The following SCARB2 variants were observed in gnomAD, a reference collection of about 807,000 sequenced individuals.
SCARB2 encodes the protein scavenger receptor class B member 2, also known as lysosome membrane protein 2.
SCARB2 carries 29 observed loss-of-function variants against 58.6 expected under a neutral mutation model. The ratio of observed to expected loss-of-function variants is 0.49; its 90% CI spans 0.37 to 0.67. SCARB2 has a LOEUF of 0.67. Ranked by LOEUF, SCARB2 falls within the 30% of genes least tolerant of loss-of-function variation. SCARB2 has a pLI of 0.00. For synonymous variants in SCARB2, 195 were observed against 210.1 expected, an observed-to-expected ratio of 0.93 and a Z score of 0.62; for missense variants, 488 against 578.5, an observed-to-expected ratio of 0.84 and a Z score of 1.60.
chr4:76,204,463 T>C (rs760529446), intron 1 of SCARB2, among the ~76,000 whole-genome samples: 2 of 152,144 alleles, frequency 1.3e-5, no homozygotes, highest in Non-Finnish European at 2.9e-5. Flanking sequence ...TACAGGACAA[T>C]ATGGTGGAAT....
intron 4 of SCARB2, chr4:76,176,787 A>G (rs910000871): frequency 2.8e-5 from 10 of 361,814 alleles, no homozygotes; most frequent in South Asian, 1.8e-4. Flanking sequence ...TCTCCTCAAG[A>G]CTGCAACATC....
Position 76,174,226 on chromosome 4 carries a change from A to G in SCARB2, c.912T>C (p.Asn304=). The change falls in exon 7 of 12, where the codon AAT becomes AAC. Residue 304 remains asparagine, a synonymous_variant. Transcript: ENST00000264896. ...TACAGAAGCCGGCATTGTCTGACGT[A>G]TTGGCTAATATTTCTGCAGGAACTT... is the stretch of plus-strand genomic sequence containing the variant. ...RYKVPAEILA[N]TSDNAGFCIP... 6.2e-7 allele frequency: 1 copy of G among 1,614,184 alleles called. No individual in the cohort carries two copies. Among genetic ancestry groups the G allele is most frequent in the Non-Finnish European group, 8.5e-7 (1 of 1,180,036 alleles).
At chr4:76,214,134 C>A, upstream of SCARB2, 1 of 437,266 alleles carries the variant, frequency 2.3e-6, no homozygotes, top group South Asian at 1.6e-5. Context: ...GGTCTGAGGG[C>A]CTCCCATGGG....
intron 2 of SCARB2, chr4:76,184,918 C>T (rs1732456506): frequency 5.8e-6 from 1 of 172,180 alleles, no homozygotes; most frequent in African/African-American, 2.4e-5. Context: ...CTGCATCCTG[C>T]TTTTGTCTTC....
At chr4:76,199,708 C>T (rs934571602) in intron 1 of SCARB2, among the ~76,000 whole-genome samples, 1 of 152,174 alleles carries the variant, frequency 6.6e-6, no homozygotes, top group Non-Finnish European at 1.5e-5. Context: ...AGGGTTTCCT[C>T]GAGTGTTACC....
rs61658055 is a variant in SCARB2, at chr4:76,164,013, A to G, written c.1240-630T>C. ...CTTGGTTACATCTATAGTAATCAGG[A>G]CCACAGCCCTCTACAGAAAGTGCTC... On this transcript the variant is annotated intron_variant, in intron 10 of 11. Transcript: ENST00000264896. 484 of 156,004 alleles carry G rather than the reference A, an allele frequency of 3.1e-3. 4 individuals carry two copies. Among genetic ancestry groups the G allele is most frequent in the African/African-American group, 0.011 (458 of 41,594 alleles). 9.7% of individuals were successfully genotyped at this position (156,004 alleles called of 1,614,324 possible).
At chr4:76,186,872 C>T (rs1428046801) in intron 2 of SCARB2, among the ~76,000 whole-genome samples, 4 of 151,746 alleles carry the variant, frequency 2.6e-5, no homozygotes, top group African/African-American at 4.8e-5. Flanking sequence ...AAAACAAATA[C>T]AGTTTTAGCT....
intron 6 of SCARB2, chr4:76,174,720 C>T (rs1489175713): frequency 4.0e-6 from 1 of 248,222 alleles, no homozygotes; most frequent in South Asian, 4.9e-5. Flanking sequence ...GCAGCGATGG[C>T]CGTGGCCTCG....
At chr4:76,194,660 G>A (rs528894982) in intron 2 of SCARB2, 22 of 152,248 alleles carry the variant, frequency 1.4e-4, no homozygotes, top group African/African-American at 4.8e-4. Flanking sequence ...TTATCATTCA[G>A]CAGTTTTGAA....
intron 1 of SCARB2, among the ~76,000 whole-genome samples, chr4:76,196,347 T>C (rs1042448771): frequency 6.6e-6 from 1 of 152,178 alleles, no homozygotes; most frequent in Non-Finnish European, 1.5e-5. Context: ...AGCAAGACTC[T>C]GTCTCAAAAT....
upstream of SCARB2, among the ~76,000 whole-genome samples, chr4:76,214,976 A>C (rs371222965): frequency 2.6e-5 from 4 of 152,222 alleles, no homozygotes; most frequent in African/African-American, 9.6e-5. Context: ...ATGTATAAAA[A>C]GTTCAGCAAG....
intron 1 of SCARB2, among the ~76,000 whole-genome samples, chr4:76,232,354 A>G (rs1397354763): frequency 6.6e-6 from 1 of 152,208 alleles, no homozygotes; most frequent in Non-Finnish European, 1.5e-5. Flanking sequence ...CAATCTCCAA[A>G]GTTATCAGAA....
intron 2 of SCARB2, among the ~76,000 whole-genome samples, chr4:76,185,503 C>T (rs1732466803): frequency 6.6e-6 from 1 of 152,122 alleles, no homozygotes. Flanking sequence ...CTATGACGGT[C>T]CTTGTCATTA....
intron 1 of SCARB2, chr4:76,213,136 G>A (rs1257356603): frequency 4.8e-6 from 2 of 418,390 alleles, no homozygotes; most frequent in East Asian, 5.2e-5. Flanking sequence ...AGATTGGGGT[G>A]TAGACGGAAG....
chr4:76,161,391 C>CAT lies in SCARB2; in HGVS notation c.*320_*321dup, dbSNP rs1731893953. The CAT allele has an allele frequency of 2.4e-6, 1 of 410,732 alleles. No individual in the cohort carries two copies. The allele number at this position is 410,732 out of a possible 1,614,324, so 25.4% of individuals were successfully genotyped here. A position where few individuals can be genotyped will look rare whatever the true frequency, so the allele number is the denominator to read the frequency against. On this transcript the variant is annotated 3_prime_UTR_variant, in exon 12 of 12. Coordinates refer to ENST00000264896, the MANE Select transcript of SCARB2 (RefSeq NM_005506.4). ...GTAGCATTAACAAGTGATGCAGAGA[C>CAT]ATTTTACCCACAATAGTGGTCACAA...
At chr4:76,172,177 G>T (rs561721269) in intron 7 of SCARB2, among the ~76,000 whole-genome samples, 24 of 147,984 alleles carry the variant, frequency 1.6e-4, no homozygotes, top group African/African-American at 5.4e-4. Flanking sequence ...TAGTCTTCAA[G>T]ATGAAAAATA....
intron 1 of SCARB2, among the ~76,000 whole-genome samples, chr4:76,228,295 C>T (rs1373864103): frequency 1.3e-5 from 2 of 151,926 alleles, no homozygotes; most frequent in Non-Finnish European, 2.9e-5. Flanking sequence ...GCCTGGCCAA[C>T]ATGGTGAAAC....
chr4:76,229,916 G>T (rs1169951611), intron 1 of SCARB2, among the ~76,000 whole-genome samples: 1 of 152,202 alleles, frequency 6.6e-6, no homozygotes, highest in Non-Finnish European at 1.5e-5. Flanking sequence ...CTCCCTTGGA[G>T]CAGGGTTATT....
intron 1 of SCARB2, among the ~76,000 whole-genome samples, chr4:76,198,576 C>T (rs1460441380): frequency 6.6e-6 from 1 of 152,192 alleles, no homozygotes; most frequent in African/African-American, 2.4e-5. Flanking sequence ...AGAGTCATAA[C>T]CAACCCAGAC....
Sources: allele counts gnomAD v4.1 joint callset (sites outside exome capture counted in the v4.1 genomes callset), GRCh38; gene constraint gnomAD v4.1.1; transcripts MANE v1.5; gene names NCBI Gene and HGNC (gene_info 2026-07-23, HGNC 2026-07-21).